The following STK3 variants were observed in gnomAD, a reference collection of about 807,000 sequenced individuals.
The protein encoded by STK3 is serine/threonine-protein kinase 3.
STK3 carries 41 observed loss-of-function variants against 58.0 expected under a neutral mutation model. The ratio of observed to expected loss-of-function variants is 0.71; its 90% CI spans 0.55 to 0.92. The LOEUF is 0.92. Ranked by LOEUF, STK3 falls within the 40% of genes least tolerant of loss-of-function variation. The probability of loss-of-function intolerance (pLI) is 0.00; values close to 1 mark genes in which losing one functional copy is unlikely to be tolerated. For synonymous variants in STK3, 170 were observed against 191.0 expected, an observed-to-expected ratio of 0.89 and a Z score of 0.91; for missense variants, 479 against 602.7, an observed-to-expected ratio of 0.79 and a Z score of 2.15.
intron 1 of STK3, chr8:98,905,623 CT>C: frequency 1.1e-6 from 1 of 903,872 alleles, no homozygotes; most frequent in South Asian, 1.3e-5. Context: ...AGCGGATCTC[CT>C]GCTCTGTGGC....
At chr8:98,707,028 C>A in intron 5 of STK3, 119 bp downstream of exon 5, 3 of 1,148,176 alleles carry the variant, frequency 2.6e-6, no homozygotes, top group Non-Finnish European at 3.5e-6. Context: ...TCCTTCTCCA[C>A]AAAAATTAAA....
At chr8:98,824,132 A>G (rs757467729) in intron 1 of STK3, among the ~76,000 whole-genome samples, 5 of 152,226 alleles carry the variant, frequency 3.3e-5, no homozygotes, top group Non-Finnish European at 7.3e-5. Flanking sequence ...TTGCTGTCAC[A>G]TATCTTTCGC....
intron 1 of STK3, among the ~76,000 whole-genome samples, chr8:98,889,589 A>G (rs1838121656): frequency 6.6e-6 from 1 of 152,248 alleles, no homozygotes; most frequent in Admixed American, 6.5e-5. Flanking sequence ...GTCCTTGGGC[A>G]TGTTTTAAAA....
intron 10 of STK3, among the ~76,000 whole-genome samples, chr8:98,473,877 A>G (rs912730778): frequency 6.6e-6 from 1 of 152,174 alleles, no homozygotes; most frequent in Admixed American, 6.5e-5. Flanking sequence ...AGTCTCATAC[A>G]TGCCCTGGGC....
At chr8:98,379,813 T>C (rs1817713482) in intron 1 of STK3, among the ~76,000 whole-genome samples, 1 of 152,218 alleles carries the variant, frequency 6.6e-6, no homozygotes, top group South Asian at 2.1e-4. Flanking sequence ...TCCAAAAGAA[T>C]TGAAATCGGG....
intron 3 of STK3, chr8:98,432,836 A>G (rs1379221191): frequency 3.0e-5 from 5 of 166,766 alleles, no homozygotes; most frequent in Non-Finnish European, 7.3e-5. Context: ...AAGCATTGAC[A>G]CAGGCTGCAC....
intron 10 of STK3, among the ~76,000 whole-genome samples, chr8:98,501,931 A>G (rs1458972349): frequency 2.0e-5 from 3 of 152,308 alleles, no homozygotes; most frequent in South Asian, 2.1e-4. Flanking sequence ...GTTTTTTCCA[A>G]TTCTGTGAAG....
intron 7 of STK3, 74 bp downstream of exon 7, chr8:98,595,958 A>T: frequency 6.6e-7 from 1 of 1,513,300 alleles, no homozygotes; most frequent in Non-Finnish European, 9.0e-7. Context: ...TGAAACACAC[A>T]GCAATTCTGG....
chr8:98,365,802 C>G, the STK3 span, among the ~76,000 whole-genome samples: 5 of 152,140 alleles, frequency 3.3e-5, no homozygotes, highest in African/African-American at 1.2e-4. Context: ...TATTCTGCAA[C>G]TTGCTTTTAT....
chr8:98,709,896 G>A (rs1826260808), intron 4 of STK3, among the ~76,000 whole-genome samples: 3 of 151,400 alleles, frequency 2.0e-5, no homozygotes, highest in African/African-American at 7.3e-5. Flanking sequence ...ATGCTATTAG[G>A]TTGGTGCAAA....
chr8:98,889,094 T>C (rs947197099), intron 1 of STK3, among the ~76,000 whole-genome samples: 11 of 152,072 alleles, frequency 7.2e-5, no homozygotes, highest in Admixed American at 1.3e-4. Context: ...CTCAGACAAA[T>C]TACATCAAAA....
At position 98,907,503 on chromosome 8, in the gene STK3, A is replaced by G. The variant is rs544909347; in HGVS notation, c.-78-23669T>C. On this transcript the variant is annotated intron_variant, in intron 1 of 1. Transcript: ENST00000519420. ...ACTCCAGCCTGGGCGACAGGGAGAG[A>G]CTCCATCTCAAAACAAACAAACAAA... 8.5e-5 allele frequency among the ~76,000 whole-genome samples: 13 copies of G among 152,166 alleles called. No homozygotes were observed. The South Asian group carries it at 2.7e-3, about 32-fold the overall frequency.
intron 1 of STK3, among the ~76,000 whole-genome samples, chr8:98,889,177 C>G (rs1336591529): frequency 6.6e-6 from 1 of 152,140 alleles, no homozygotes; most frequent in East Asian, 1.9e-4. Flanking sequence ...CTTTTCAGAC[C>G]TAATTAAAAA....
intron 6 of STK3, among the ~76,000 whole-genome samples, chr8:98,630,669 G>A (rs1819123561): frequency 1.4e-5 from 2 of 148,124 alleles, no homozygotes; most frequent in African/African-American, 5.1e-5. Flanking sequence ...AGAAGGAGAA[G>A]GAGGAGAAGG....
At chr8:98,377,965 T>C (rs1388986694) in intron 2 of STK3, among the ~76,000 whole-genome samples, 1 of 151,974 alleles carries the variant, frequency 6.6e-6, no homozygotes, top group African/African-American at 2.4e-5. Flanking sequence ...GACATAAGAG[T>C]AGAGGCTCTG....
intron 4 of STK3, among the ~76,000 whole-genome samples, chr8:98,743,835 A>G (rs1468410392): frequency 1.3e-5 from 2 of 152,104 alleles, no homozygotes; most frequent in Admixed American, 6.5e-5. Flanking sequence ...CAACCTACTC[A>G]TCTGACAAAG....
At chr8:98,584,503 G>C (rs1227540486) in intron 7 of STK3, among the ~76,000 whole-genome samples, 1 of 151,912 alleles carries the variant, frequency 6.6e-6, no homozygotes, top group Non-Finnish European at 1.5e-5. Flanking sequence ...TATCATTTTT[G>C]GACATGTGGG....
At chr8:98,420,809 C>T (rs772738108) in intron 3 of STK3, among the ~76,000 whole-genome samples, 25 of 152,252 alleles carry the variant, frequency 1.6e-4, no homozygotes, top group Admixed American at 5.2e-4. Flanking sequence ...GCAATTGGCA[C>T]TCGTCATGGC....
intron 1 of STK3, among the ~76,000 whole-genome samples, chr8:98,813,651 A>G (rs767562189): frequency 6.6e-6 from 1 of 152,158 alleles, no homozygotes; most frequent in African/African-American, 2.4e-5. Flanking sequence ...TCTAATTTTT[A>G]TTATCTAAGA....
Sources: gnomAD v4.1 joint callset for allele counts (sites outside exome capture counted in the v4.1 genomes callset) on GRCh38, gnomAD v4.1.1 for gene constraint, MANE v1.5 for transcripts, NCBI Gene and HGNC (gene_info 2026-07-23, HGNC 2026-07-21) for gene names.